The following TPPP3 variants were observed in gnomAD, a reference collection of about 807,000 sequenced individuals.
TPPP3 encodes the protein tubulin polymerization promoting protein family member 3, also known as tubulin polymerization-promoting protein family member 3.
In TPPP3, 7 loss-of-function variants were observed where a neutral mutation model predicts 13.1. That is an observed-to-expected ratio of 0.54 (90% CI 0.30 to 1.01). The LOEUF (loss-of-function observed/expected upper bound fraction) is 1.01, where lower values mean the gene tolerates loss of function less well. TPPP3 is among the 50% of genes least tolerant of loss of function. The pLI, the probability that TPPP3 is intolerant of heterozygous loss-of-function variation, is 0.06. For synonymous variants in TPPP3, 87 were observed against 93.7 expected, an observed-to-expected ratio of 0.93 and a Z score of 0.41; for missense variants, 185 against 235.0, an observed-to-expected ratio of 0.79 and a Z score of 1.39.
Position 67,390,960 on chromosome 16 carries a change from G to A in TPPP3, c.152C>T (p.Thr51Ile). ...GAAGACGATGTCCACATCGGTCCCT[G>A]TCACGGACTTTCCGTCAGCCACCTT... is the stretch of plus-strand genomic sequence containing the variant. Reference protein sequence around the residue: ...DCKVADGKSVTGTDVDIVFSK... With the variant: ...DCKVADGKSVIGTDVDIVFSK... Residue 51 changes from threonine (T) to isoleucine (I), a missense_variant, in exon 2 of 4, where the codon ACA (threonine) becomes ATA (isoleucine). Coordinates refer to ENST00000393957, the MANE Select transcript of TPPP3 (RefSeq NM_015964.4). The surrounding 1 kb of genome is among the most constrained non-coding windows in gnomAD (Gnocchi z 6.4). The A allele has an allele frequency of 6.2e-7, 1 of 1,614,218 alleles. No homozygotes were observed.
rs757185606 is a variant in TPPP3 at position 67,390,902 on chromosome 16, G to A, written c.188+22C>T. On this transcript the variant is annotated intron_variant, in intron 2 of 3. Transcript: ENST00000393957. This position sits in a 1 kb window ranked among gnomAD's most constrained non-coding sequence, Gnocchi z 6.4. ...TCCCCACCTCCTGGGAACATGAGAA[G>A]CAGGGGCTGCTTAGGGCTCACTTGA... 8.7e-6 allele frequency: 14 copies of A among 1,607,600 alleles called. No individual in the cohort carries two copies. The South Asian group carries it at 1.2e-4, about 14-fold the overall frequency.
Position 67,393,089 on chromosome 16 carries a change from T to C in TPPP3, c.-7+291A>G. 1 of 952,824 alleles carries C rather than the reference T, an allele frequency of 1.0e-6. No homozygotes were observed. Among genetic ancestry groups the C allele is most frequent in the Non-Finnish European group, 1.2e-6 (1 of 800,092 alleles). 59.0% of individuals were successfully genotyped at this position (952,824 alleles called of 1,614,324 possible). On this transcript the variant is annotated intron_variant, in intron 1 of 3. Transcript: ENST00000393957. This position sits in a 1 kb window ranked among gnomAD's most constrained non-coding sequence, Gnocchi z 5.4. Reference sequence around the variant, plus strand: ...TCATCTCAGCGCGGTCAGGTGGCGCTGGGTTGCAGGCCGCAGCCCCATGGG... The same window carrying C: ...TCATCTCAGCGCGGTCAGGTGGCGCCGGGTTGCAGGCCGCAGCCCCATGGG...
chr16:67,390,614 G>T lies in TPPP3; in HGVS notation c.207C>A (p.Val69=). Residue 69 remains valine, a synonymous_variant, in exon 3 of 4, where the codon GTC becomes GTA. Transcript: ENST00000393957. The surrounding 1 kb of genome is among the most constrained non-coding windows in gnomAD (Gnocchi z 6.4). ...CCTTCTTGAACTCCTCATAGTTGAT[G>T]ACCCGAGCAGACTTCCCCCTGACAG... The part of the protein sequence containing the change: ...FSKVKGKSAR[V]INYEEFKKAL... 6.2e-7 allele frequency: 1 copy of T among 1,613,308 alleles called. No homozygotes were observed. The highest frequency in any genetic ancestry group is 8.5e-7 in the Non-Finnish European group (1 of 1,179,944).
chr16:67,391,295 A>G lies in TPPP3; in HGVS notation c.-6-178T>C, dbSNP rs897901. On this transcript the variant is annotated intron_variant, in intron 1 of 3. Transcript: ENST00000393957. This position sits in a 1 kb window ranked among gnomAD's most constrained non-coding sequence, Gnocchi z 6.3. ...CTGTCGCCCTGGGCCACAGAGCCCC[A>G]AGGAAGAGCCCCGGGAGGCACGGTC... 0.13 allele frequency: 80,326 copies of G among 641,602 alleles called. 11,564 individuals carry two copies. The highest frequency in any genetic ancestry group is 0.57 in the African/African-American group (30,998 of 54,560). The allele number at this position is 641,602 out of a possible 1,614,324, so 39.7% of individuals were successfully genotyped here.
Position 67,390,049 on chromosome 16 carries a change from A to G in TPPP3, c.*125T>C. 9.4e-7 allele frequency: 1 copy of G among 1,065,090 alleles called. No homozygotes were observed. The highest frequency in any genetic ancestry group is 2.6e-5 in the East Asian group (1 of 38,680). 66.0% of individuals were successfully genotyped at this position (1,065,090 alleles called of 1,614,324 possible). Reference sequence around the variant, plus strand: ...GTGGGCCAGCCCAGTGGGACTAGGCAGGAAGCTCTGGGTGGCAGGTCCAGC... The same window carrying G: ...GTGGGCCAGCCCAGTGGGACTAGGCGGGAAGCTCTGGGTGGCAGGTCCAGC... On this transcript the variant is annotated 3_prime_UTR_variant, in exon 4 of 4. Coordinates refer to ENST00000393957, the MANE Select transcript of TPPP3 (RefSeq NM_015964.4). The surrounding 1 kb of genome is among the most constrained non-coding windows in gnomAD (Gnocchi z 6.4).
rs1424675454 is a variant in TPPP3, at chr16:67,390,938, G to A, written c.174C>T (p.Val58=). 1.2e-6 allele frequency: 2 copies of A among 1,614,142 alleles called. No individual in the cohort carries two copies. The highest frequency in any genetic ancestry group is 3.3e-4 in the Middle Eastern group (2 of 6,060). The change falls in exon 2 of 4, where the codon GTC becomes GTT. Residue 58 remains valine (V), a synonymous_variant. Coordinates refer to ENST00000393957, the MANE Select transcript of TPPP3 (RefSeq NM_015964.4). The surrounding 1 kb of genome is among the most constrained non-coding windows in gnomAD (Gnocchi z 6.4). ...KSVTGTDVDI[V]FSKVKGKSAR... The stretch of plus-strand genomic sequence containing the variant: ...TTAGGGCTCACTTGACTTTGGAGAA[G>A]ACGATGTCCACATCGGTCCCTGTCA...
rs8053264 is a variant in TPPP3, at chr16:67,390,790, T to G, written c.188+134A>C. On this transcript the variant is annotated intron_variant, in intron 2 of 3. Transcript: ENST00000393957. The surrounding 1 kb of genome is among the most constrained non-coding windows in gnomAD (Gnocchi z 6.4). ...CAGCAACTCTGGAGGGCAATAGATA[T>G]AAGGTTTGCCCTGGAAGAACGACCT... The G allele has an allele frequency of 1.4e-6, 2 of 1,401,114 alleles. No individual in the cohort carries two copies. Among genetic ancestry groups the G allele is most frequent in the African/African-American group, 2.9e-5 (2 of 69,204 alleles). 86.8% of individuals were successfully genotyped at this position (1,401,114 alleles called of 1,614,324 possible). A position where few individuals can be genotyped will look rare whatever the true frequency, so the allele number is the denominator to read the frequency against.
Position 67,390,824 on chromosome 16 carries a change from A to G in TPPP3, c.188+100T>C. The G allele has an allele frequency of 7.0e-7, 1 of 1,436,992 alleles. No individual in the cohort carries two copies. 89.0% of individuals were successfully genotyped at this position (1,436,992 alleles called of 1,614,324 possible). On this transcript the variant is annotated intron_variant, in intron 2 of 3. Transcript: ENST00000393957. This position sits in a 1 kb window ranked among gnomAD's most constrained non-coding sequence, Gnocchi z 6.4. Reference sequence around the variant, plus strand: ...CCCTGGAAGAACGACCTTCGTGATCATGGTGTTTCCCTGACCCCTTCTTGA... The same window carrying G: ...CCCTGGAAGAACGACCTTCGTGATCGTGGTGTTTCCCTGACCCCTTCTTGA...
At position 67,393,037 on chromosome 16, in the gene TPPP3, C is replaced by G. The variant is rs1354719518; in HGVS notation, c.-7+343G>C. 7 of 985,466 alleles carry G rather than the reference C, an allele frequency of 7.1e-6. No homozygotes were observed. Among genetic ancestry groups the G allele is most frequent in the Non-Finnish European group, 8.4e-6 (7 of 829,956 alleles). 61.0% of individuals were successfully genotyped at this position (985,466 alleles called of 1,614,324 possible). The stretch of plus-strand genomic sequence containing the variant: ...GCGGATCCTGCGTGCAGTGCTCACT[C>G]CTGTCCGTGGAAAGATGGATTCTTG... On this transcript the variant is annotated intron_variant, in intron 1 of 3. Transcript: ENST00000393957. This position sits in a 1 kb window ranked among gnomAD's most constrained non-coding sequence, Gnocchi z 5.4.
chr16:67,393,343 G>T lies in TPPP3; in HGVS notation c.-7+37C>A. Reference sequence around the variant, plus strand: ...ACCCTCATCGTGCAGGATACTGATTGGGGTGGCGGGCATCTGGGTCTCCTA... The same window carrying T: ...ACCCTCATCGTGCAGGATACTGATTTGGGTGGCGGGCATCTGGGTCTCCTA... On this transcript the variant is annotated intron_variant, in intron 1 of 3. Transcript: ENST00000393957. The surrounding 1 kb of genome is among the most constrained non-coding windows in gnomAD (Gnocchi z 5.4). 1.0e-6 allele frequency: 1 copy of T among 985,556 alleles called. No homozygotes were observed. Among genetic ancestry groups the T allele is most frequent in the South Asian group, 4.7e-5 (1 of 21,292 alleles). 61.1% of individuals were successfully genotyped at this position (985,556 alleles called of 1,614,324 possible).
At position 67,390,102 on chromosome 16, in the gene TPPP3, AC is replaced by A; in HGVS notation, c.*71del. ...GGAGGGGACCAGGATCTCTTGCTCC[AC>A]GTGCCCCTTAGACCCAGGCCTGAGC... is the stretch of plus-strand genomic sequence containing the variant. On this transcript the variant is annotated 3_prime_UTR_variant, in exon 4 of 4. Coordinates refer to ENST00000393957, the MANE Select transcript of TPPP3 (RefSeq NM_015964.4). The surrounding 1 kb of genome is among the most constrained non-coding windows in gnomAD (Gnocchi z 6.4). 1 of 1,495,766 alleles carries A rather than the reference AC, an allele frequency of 6.7e-7. No homozygotes were observed. Among genetic ancestry groups the A allele is most frequent in the Non-Finnish European group, 9.1e-7 (1 of 1,095,652 alleles). The allele number at this position is 1,495,766 out of a possible 1,614,324, so 92.7% of individuals were successfully genotyped here.
chr16:67,393,110 AT>A lies in TPPP3; in HGVS notation c.-7+269del. The A allele has an allele frequency of 1.2e-6, 1 of 862,124 alleles. No homozygotes were observed. The highest frequency in any genetic ancestry group is 1.4e-6 in the Non-Finnish European group (1 of 717,122). The allele number at this position is 862,124 out of a possible 1,614,324, so 53.4% of individuals were successfully genotyped here. On this transcript the variant is annotated intron_variant, in intron 1 of 3. Transcript: ENST00000393957. The surrounding 1 kb of genome is among the most constrained non-coding windows in gnomAD (Gnocchi z 5.4). ...GCGCTGGGTTGCAGGCCGCAGCCCC[AT>A]GGGTCTGCAGGCCATGGATGGAGTG...
In TPPP3 at chr16:67,389,908, C is replaced by G. The variant is rs1425300518; in HGVS notation, c.*266G>C. ...GGCAAGCAGTCAGGGGTTAGCCATG[C>G]CTGGGGCTGGGTTGGGGTCATGAGG... On this transcript the variant is annotated 3_prime_UTR_variant, in exon 4 of 4. Coordinates refer to ENST00000393957, the MANE Select transcript of TPPP3 (RefSeq NM_015964.4). The G allele has an allele frequency of 4.2e-6, 2 of 477,630 alleles. No individual in the cohort carries two copies. The highest frequency in any genetic ancestry group is 3.8e-6 in the Non-Finnish European group (1 of 266,576). 29.6% of individuals were successfully genotyped at this position (477,630 alleles called of 1,614,324 possible). A position where few individuals can be genotyped will look rare whatever the true frequency, so the allele number is the denominator to read the frequency against.
chr16:67,390,059 G>C lies in TPPP3; in HGVS notation c.*115C>G, dbSNP rs2040305412. The C allele has an allele frequency of 1.7e-6, 2 of 1,170,822 alleles. No individual in the cohort carries two copies. Among genetic ancestry groups the C allele is most frequent in the Admixed American group, 4.9e-5 (2 of 40,984 alleles). 72.5% of individuals were successfully genotyped at this position (1,170,822 alleles called of 1,614,324 possible). On this transcript the variant is annotated 3_prime_UTR_variant, in exon 4 of 4. Transcript: ENST00000393957. The surrounding 1 kb of genome is among the most constrained non-coding windows in gnomAD (Gnocchi z 6.4). ...CCAGTGGGACTAGGCAGGAAGCTCT[G>C]GGTGGCAGGTCCAGCAGGGAGGGGA...
At position 67,391,122 on chromosome 16, in the gene TPPP3, A is replaced by T. The variant is rs567308214; in HGVS notation, c.-6-5T>A. On this transcript the variant is annotated splice_region_variant and splice_polypyrimidine_tract_variant and intron_variant, in intron 1 of 3. Transcript: ENST00000393957. The surrounding 1 kb of genome is among the most constrained non-coding windows in gnomAD (Gnocchi z 6.3). ...TGTGCTCGCTGCCATGCCACCCTAT[A>T]GAGACCCACCTGGGTCATCTCCCAG... The T allele has an allele frequency of 1.2e-6, 2 of 1,613,496 alleles. No homozygotes were observed. The highest frequency in any genetic ancestry group is 1.3e-5 in the African/African-American group (1 of 75,054).
In TPPP3 at chr16:67,390,259, G is replaced by T. The variant is rs766679090; in HGVS notation, c.446C>A (p.Ala149Glu). The T allele has an allele frequency of 5.0e-6, 8 of 1,614,218 alleles. No homozygotes were observed. Among genetic ancestry groups the T allele is most frequent in the Non-Finnish European group, 6.8e-6 (8 of 1,180,030 alleles). Reference sequence around the variant, plus strand: ...GTCGTCCAGGATGTCCTGCCGTCCCGCAATGCCCTTGCCCTTGCCGCTCTC... The same window carrying T: ...GTCGTCCAGGATGTCCTGCCGTCCCTCAATGCCCTTGCCCTTGCCGCTCTC... Reference protein sequence around the residue: ...FDESGKGKGIAGRQDILDDSG... With the variant: ...FDESGKGKGIEGRQDILDDSG... Residue 149 changes from alanine to glutamate, a missense_variant, in exon 4 of 4, where the codon GCG (alanine) becomes GAG (glutamate). By Grantham distance (107) the Ala-to-Glu change is moderately radical. Transcript: ENST00000393957. This position sits in a 1 kb window ranked among gnomAD's most constrained non-coding sequence, Gnocchi z 6.4.
rs1020237598 is a variant in TPPP3, at chr16:67,393,110, A to G, written c.-7+270T>C. 2 of 862,124 alleles carry G rather than the reference A, an allele frequency of 2.3e-6. No individual in the cohort carries two copies. Among genetic ancestry groups the G allele is most frequent in the Non-Finnish European group, 2.8e-6 (2 of 717,122 alleles). The allele number at this position is 862,124 out of a possible 1,614,324, so 53.4% of individuals were successfully genotyped here. A position where few individuals can be genotyped will look rare whatever the true frequency, so the allele number is the denominator to read the frequency against. ...GCGCTGGGTTGCAGGCCGCAGCCCC[A>G]TGGGTCTGCAGGCCATGGATGGAGT... On this transcript the variant is annotated intron_variant, in intron 1 of 3. Transcript: ENST00000393957. The surrounding 1 kb of genome is among the most constrained non-coding windows in gnomAD (Gnocchi z 5.4).
Position 67,390,853 on chromosome 16 carries a change from C to T in TPPP3, c.188+71G>A. On this transcript the variant is annotated intron_variant, in intron 2 of 3. Transcript: ENST00000393957. This position sits in a 1 kb window ranked among gnomAD's most constrained non-coding sequence, Gnocchi z 6.4. ...TGTTTCCCTGACCCCTTCTTGATGT[C>T]CTCCCTGGTTCCAGCCCCCCAGTTC... 1.3e-6 allele frequency: 2 copies of T among 1,532,578 alleles called. No individual in the cohort carries two copies. Among genetic ancestry groups the T allele is most frequent in the Non-Finnish European group, 1.8e-6 (2 of 1,129,090 alleles). The allele number at this position is 1,532,578 out of a possible 1,614,324, so 94.9% of individuals were successfully genotyped here.
In TPPP3 at chr16:67,390,649, C is replaced by T. The variant is rs1488873665; in HGVS notation, c.189-17G>A. 5 of 1,604,234 alleles carry T rather than the reference C, an allele frequency of 3.1e-6. No homozygotes were observed. In the South Asian group the frequency reaches 3.3e-5, roughly 11 times the overall value. On this transcript the variant is annotated splice_polypyrimidine_tract_variant and intron_variant, in intron 2 of 3. Coordinates refer to ENST00000393957, the MANE Select transcript of TPPP3 (RefSeq NM_015964.4). The surrounding 1 kb of genome is among the most constrained non-coding windows in gnomAD (Gnocchi z 6.4). ...GACTTCCCCCTGACAGGCATGTGGG[C>T]ACCATGAGGGTTCCCCTTTCTTTTT...
Sources: allele counts gnomAD v4.1 joint callset, GRCh38; gene constraint gnomAD v4.1.1; non-coding constraint Gnocchi (gnomAD v3.1); transcripts MANE v1.5; gene names NCBI Gene and HGNC (gene_info 2026-07-23, HGNC 2026-07-21).